TP53I13: variants seen among roughly 807,000 people sequenced by gnomAD.
TP53I13 encodes tumor protein p53 inducible protein 13.
TP53I13 carries 27 observed loss-of-function variants against 39.1 expected under a neutral mutation model. The ratio of observed to expected loss-of-function variants is 0.69; its 90% confidence interval spans 0.51 to 0.95. The LOEUF (loss-of-function observed/expected upper bound fraction) is 0.95, where lower values mean the gene tolerates loss of function less well. Among genes scored for constraint, TP53I13 ranks in the 40% least tolerant of loss-of-function variants. The pLI is 0.00. For missense variants in TP53I13, 544 were observed against 520.4 expected (o/e 1.05, Z -0.44); for synonymous variants, 230 against 224.6 (o/e 1.02, Z -0.22).
At chr17:29,576,817 C>A, downstream of TP53I13, 1 of 1,577,038 alleles carries the variant, frequency 6.3e-7, no homozygotes, top group Non-Finnish European at 8.6e-7. Flanking sequence ...TCAGCGAAGG[C>A]CTGGGTCAGG....
downstream of TP53I13, chr17:29,577,263 G>A (rs1277031652): frequency 6.2e-7 from 1 of 1,607,452 alleles, no homozygotes; most frequent in African/African-American, 1.3e-5. Flanking sequence ...AGGCAGAAAG[G>A]GCCAGGCTGG....
chr17:29,574,768 G>A (rs138063413), downstream of TP53I13: 12 of 1,613,354 alleles, frequency 7.4e-6, no homozygotes, highest in Admixed American at 1.7e-5. Context: ...TGTCATAGGC[G>A]CACTGGATCA....
intron 3 of TP53I13, chr17:29,570,791 C>T (rs1000271962): frequency 6.6e-6 from 1 of 152,304 alleles, no homozygotes. Context: ...TACCACAGCC[C>T]CTTTGCTCCT....
the TP53I13 span, chr17:29,581,098 C>A: frequency 5.3e-6 from 3 of 568,308 alleles, no homozygotes; most frequent in East Asian, 8.7e-5. The surrounding 1 kb of genome is among the most constrained non-coding windows in gnomAD (Gnocchi z 4.8). Context: ...CTTCTCACAC[C>A]CAAGCCCTCC....
Position 29,572,890 on chromosome 17 carries a change from C to T in TP53I13, c.1148C>T (p.Pro383Leu). 6.6e-7 allele frequency: 1 copy of T among 1,513,198 alleles called. No homozygotes were observed. Among genetic ancestry groups the T allele is most frequent in the Non-Finnish European group, 8.8e-7 (1 of 1,138,174 alleles). 93.7% of individuals were successfully genotyped at this position (1,513,198 alleles called of 1,614,324 possible). ...CGGAGACCCCTCCTCCCGCCCACGCCGGACAGCGGCCCGGAAGGCGAGAGC... is the reference window on the plus strand; with the variant it reads ...CGGAGACCCCTCCTCCCGCCCACGCTGGACAGCGGCCCGGAAGGCGAGAGC... The part of the protein sequence containing the change: ...SRRRPLLPPT[P>L]DSGPEGESSE The change falls in exon 7 of 7, where the codon CCG (proline) becomes CTG (leucine). Residue 383 changes from proline to leucine, a missense_variant. By Grantham distance (98) the Pro-to-Leu change is moderately conservative. Coordinates refer to ENST00000301057, the MANE Select transcript of TP53I13 (RefSeq NM_138349.4).
downstream of TP53I13, chr17:29,577,188 A>C: frequency 6.2e-7 from 1 of 1,613,894 alleles, no homozygotes. Context: ...CCTCACTGAG[A>C]ATGTCGATGA....
At chr17:29,575,639 G>A, downstream of TP53I13, 1 of 1,611,864 alleles carries the variant, frequency 6.2e-7, no homozygotes, top group Non-Finnish European at 8.5e-7. This position sits in a 1 kb window ranked among gnomAD's most constrained non-coding sequence, Gnocchi z 5.5. Context: ...CCCCAGCAGT[G>A]GGTCCCCACT....
downstream of TP53I13, chr17:29,575,259 T>A (rs1598562972): frequency 6.3e-7 from 1 of 1,587,204 alleles, no homozygotes; most frequent in Admixed American, 1.7e-5. The surrounding 1 kb of genome is among the most constrained non-coding windows in gnomAD (Gnocchi z 5.5). Context: ...AGGAACTGCA[T>A]CCCCCTCACC....
At chr17:29,566,899 G>A (rs898750692), upstream of TP53I13, 11 of 1,491,222 alleles carry the variant, frequency 7.4e-6, no homozygotes, top group Non-Finnish European at 8.9e-6. Context: ...CCGGAGCCGC[G>A]GGCCGAGCAG....
At chr17:29,570,522 C>A (rs1032669287) in intron 3 of TP53I13, 4 of 151,512 alleles carry the variant, frequency 2.6e-5, no homozygotes, top group South Asian at 2.1e-4. Flanking sequence ...AAAAAAAATT[C>A]TCTGTAATAG....
upstream of TP53I13, chr17:29,568,003 C>T (rs1435596269): frequency 2.0e-5 from 3 of 152,086 alleles, no homozygotes; most frequent in African/African-American, 7.2e-5. This position sits in a 1 kb window ranked among gnomAD's most constrained non-coding sequence, Gnocchi z 4.5. Flanking sequence ...GCGTCCCCAT[C>T]TCGCGGCGAC....
chr17:29,575,245 C>G, downstream of TP53I13: 1 of 1,582,654 alleles, frequency 6.3e-7, no homozygotes. This position sits in a 1 kb window ranked among gnomAD's most constrained non-coding sequence, Gnocchi z 5.5. Flanking sequence ...CCCTAGAAGC[C>G]AACAGGAACT....
the TP53I13 span, among the ~76,000 whole-genome samples, chr17:29,580,667 A>G: frequency 6.6e-6 from 1 of 152,064 alleles, no homozygotes; most frequent in African/African-American, 2.4e-5. Flanking sequence ...AAGCCCACCC[A>G]TCTTTTCAGC....
downstream of TP53I13, chr17:29,577,357 T>A: frequency 1.2e-6 from 1 of 864,954 alleles, no homozygotes; most frequent in Non-Finnish European, 1.9e-6. Context: ...TAACCCCAGC[T>A]AAAGCGTCCC....
chr17:29,576,246 T>C (rs775458461), downstream of TP53I13: 4 of 1,609,350 alleles, frequency 2.5e-6, no homozygotes, highest in Admixed American at 1.7e-5. Flanking sequence ...TGCAGCCGCG[T>C]AGTGAGCTCG....
rs1170884481 is a variant in TP53I13 at position 29,572,910 on chromosome 17, G to A, written c.1168G>A (p.Glu390Lys). The A allele has an allele frequency of 6.0e-6, 9 of 1,500,752 alleles. No individual in the cohort carries two copies. The highest frequency in any genetic ancestry group is 5.3e-6 in the Non-Finnish European group (6 of 1,131,642). The allele number at this position is 1,500,752 out of a possible 1,614,324, so 93.0% of individuals were successfully genotyped here. ...CACGCCGGACAGCGGCCCGGAAGGC[G>A]AGAGCTCGGAGTGACGGCCTGGGAC... ...PPTPDSGPEG[E>K]SSE The change falls in exon 7 of 7, where the codon GAG becomes AAG. Residue 390 changes from glutamate (E) to lysine (K), a missense_variant. Coordinates refer to ENST00000301057, the MANE Select transcript of TP53I13 (RefSeq NM_138349.4).
At chr17:29,574,881 G>T (rs1363128714), downstream of TP53I13, 2 of 1,578,564 alleles carry the variant, frequency 1.3e-6, no homozygotes, top group Non-Finnish European at 8.6e-7. Flanking sequence ...TTGAGCAGCC[G>T]CAGTGAGCTC....
At chr17:29,567,122 A>C (rs987596241), upstream of TP53I13, 60 of 470,038 alleles carry the variant, frequency 1.3e-4, no homozygotes, top group Non-Finnish European at 1.7e-4. This position sits in a 1 kb window ranked among gnomAD's most constrained non-coding sequence, Gnocchi z 6.6. Flanking sequence ...AGAGGCAGCC[A>C]GTTCGGGCCC....
the TP53I13 span, chr17:29,579,202 G>A: frequency 1.7e-6 from 1 of 584,518 alleles, no homozygotes; most frequent in Non-Finnish European, 3.1e-6. Flanking sequence ...CACCACCAGT[G>A]TCAGCCACCT....
Sources: gnomAD v4.1 joint callset for allele counts (sites outside exome capture counted in the v4.1 genomes callset) on GRCh38, gnomAD v4.1.1 for gene constraint, Gnocchi (gnomAD v3.1) non-coding constraint, MANE v1.5 for transcripts, NCBI Gene and HGNC (gene_info 2026-07-23, HGNC 2026-07-21) for gene names.